NXPH1: variants seen among roughly 807,000 people sequenced by gnomAD.
The protein encoded by NXPH1 is neurexophilin 1.
A neutral mutation model predicts 23.7 loss-of-function variants in NXPH1; 5 were observed. The ratio of observed to expected loss-of-function variants is 0.21; its 90% CI spans 0.11 to 0.44. The LOEUF is 0.44. Among genes scored for constraint, NXPH1 ranks in the 20% least tolerant of loss-of-function variants. NXPH1 has a pLI of 0.99. For synonymous variants in NXPH1, 144 were observed against 122.2 expected (o/e 1.18, Z -1.18); for missense variants, 324 against 321.6 (o/e 1.01, Z -0.06).
intron 2 of NXPH1, among the ~76,000 whole-genome samples, chr7:8,691,047 G>A (rs1562455890): frequency 1.3e-5 from 2 of 152,158 alleles, no homozygotes; most frequent in Non-Finnish European, 2.9e-5. Flanking sequence ...ACTGATTGGG[G>A]TGACATATGG....
chr7:8,507,305 A>T (rs1227947914), intron 2 of NXPH1, among the ~76,000 whole-genome samples: 2 of 151,742 alleles, frequency 1.3e-5, no homozygotes, highest in Non-Finnish European at 2.9e-5. Flanking sequence ...TTTGAAGGTG[A>T]AGGGGTAGAT....
At position 8,625,050 on chromosome 7, in the gene NXPH1, C is replaced by T. The variant is rs555557820; in HGVS notation, c.55-125958C>T. Among the ~76,000 whole-genome samples, 12 of 152,222 alleles carry T rather than the reference C, an allele frequency of 7.9e-5. No homozygotes were observed. In the East Asian group the frequency reaches 9.6e-4, roughly 12 times the overall value. ...AAAATATATATTTAGAGAAGACTGT[C>T]CCAATCCATATTGTAGTGTCATTTT... On this transcript the variant is annotated intron_variant, in intron 2 of 2. Transcript: ENST00000405863.
intron 2 of NXPH1, among the ~76,000 whole-genome samples, chr7:8,631,992 A>G (rs1820139318): frequency 6.6e-6 from 1 of 152,256 alleles, no homozygotes; most frequent in East Asian, 1.9e-4. Context: ...ATTCATGTGT[A>G]GGTTATAGGG....
chr7:8,683,157 G>A (rs1273027659), intron 2 of NXPH1, among the ~76,000 whole-genome samples: 1 of 152,182 alleles, frequency 6.6e-6, no homozygotes. Context: ...GTGGGAGCAG[G>A]TGTGTCACAT....
intron 2 of NXPH1, among the ~76,000 whole-genome samples, chr7:8,567,677 T>A (rs1012245926): frequency 6.6e-6 from 1 of 151,950 alleles, no homozygotes; most frequent in Non-Finnish European, 1.5e-5. Flanking sequence ...GAGTATTCAA[T>A]GCCACCAGAC....
chr7:8,599,338 T>C (rs1583182897), intron 2 of NXPH1, among the ~76,000 whole-genome samples: 1 of 152,120 alleles, frequency 6.6e-6, no homozygotes, highest in Non-Finnish European at 1.5e-5. Flanking sequence ...TCTTAACAAT[T>C]CCCTGCCATG....
intron 2 of NXPH1, among the ~76,000 whole-genome samples, chr7:8,459,471 C>G (rs191884878): frequency 1.3e-5 from 2 of 152,102 alleles, no homozygotes; most frequent in African/African-American, 4.8e-5. Flanking sequence ...GTAGAGAAAA[C>G]AACTTTGAGT....
chr7:8,618,490 A>G lies in NXPH1; in HGVS notation c.55-132518A>G, dbSNP rs568342577. Among the ~76,000 whole-genome samples, 7 of 152,302 alleles carry G rather than the reference A, an allele frequency of 4.6e-5. No homozygotes were observed. The South Asian group carries it at 1.0e-3, about 23-fold the overall frequency. The stretch of plus-strand genomic sequence containing the variant: ...TATTAACTTTGTATATAAGAGCTCA[A>G]AGCACTTTCACATACATTTTTCCTT... On this transcript the variant is annotated intron_variant, in intron 2 of 2. Transcript: ENST00000405863.
rs1391837664 is a variant in NXPH1, at chr7:8,561,370, A to ACACACACACACG, written c.54+125614_54+125615insGCACACACACAC. On this transcript the variant is annotated intron_variant, in intron 2 of 2. Coordinates refer to ENST00000405863, the MANE Select transcript of NXPH1 (RefSeq NM_152745.3). ...CTATGTGACACACACACACACACAC[A>ACACACACACACG]CACACACACACACCTCTCTCTCTCT... Among the ~76,000 whole-genome samples, 68 of 150,410 alleles carry ACACACACACACG rather than the reference A, an allele frequency of 4.5e-4. 2 individuals are homozygous for ACACACACACACG. The highest frequency in any genetic ancestry group is 1.6e-3 in the African/African-American group (65 of 40,572).
chr7:8,621,635 C>T (rs959055383), intron 2 of NXPH1, among the ~76,000 whole-genome samples: 1 of 151,860 alleles, frequency 6.6e-6, no homozygotes, highest in African/African-American at 2.4e-5. Flanking sequence ...TTACAGGCGT[C>T]TGGCACCACG....
intron 2 of NXPH1, among the ~76,000 whole-genome samples, chr7:8,610,433 G>A (rs182266011): frequency 6.6e-6 from 1 of 152,048 alleles, no homozygotes; most frequent in Admixed American, 6.6e-5. Flanking sequence ...TGTTAGAGGA[G>A]CACACATCAC....
intron 2 of NXPH1, among the ~76,000 whole-genome samples, chr7:8,523,424 A>T (rs917308310): frequency 3.9e-5 from 6 of 152,194 alleles, no homozygotes; most frequent in Admixed American, 1.3e-4. Flanking sequence ...TAACTGAAGG[A>T]TTTGATAAAT....
intron 2 of NXPH1, among the ~76,000 whole-genome samples, chr7:8,590,907 G>C (rs1359900808): frequency 6.6e-6 from 1 of 151,914 alleles, no homozygotes; most frequent in Non-Finnish European, 1.5e-5. Flanking sequence ...TAACTCAATG[G>C]CTTTTTAAAA....
chr7:8,459,042 A>G (rs1292710463), intron 2 of NXPH1, among the ~76,000 whole-genome samples: 2 of 152,018 alleles, frequency 1.3e-5, no homozygotes, highest in African/African-American at 4.8e-5. Flanking sequence ...CATTCCCCTT[A>G]CCATAAAGTA....
intron 2 of NXPH1, among the ~76,000 whole-genome samples, chr7:8,737,137 G>T (rs972268006): frequency 6.6e-6 from 1 of 152,090 alleles, no homozygotes; most frequent in Non-Finnish European, 1.5e-5. Context: ...TACATTTAAA[G>T]TTAATATTGT....
In NXPH1 at chr7:8,726,131, C is replaced by A. The variant is rs546095282; in HGVS notation, c.55-24877C>A. ...TGGATAAGCTGTGTTATTATTGCTA[C>A]AAAGTGTGTTTTTATATAAAGTTGT... On this transcript the variant is annotated intron_variant, in intron 2 of 2. Coordinates refer to ENST00000405863, the MANE Select transcript of NXPH1 (RefSeq NM_152745.3). 2.6e-5 allele frequency among the ~76,000 whole-genome samples: 4 copies of A among 152,230 alleles called. No individual in the cohort carries two copies. The South Asian group carries it at 8.3e-4, about 32-fold the overall frequency.
At chr7:8,451,572 T>G (rs1442221012) in intron 2 of NXPH1, among the ~76,000 whole-genome samples, 1 of 152,234 alleles carries the variant, frequency 6.6e-6, no homozygotes, top group Non-Finnish European at 1.5e-5. Context: ...GGATTTTGTT[T>G]GATAGTAAAA....
intron 2 of NXPH1, among the ~76,000 whole-genome samples, chr7:8,453,792 T>C (rs1209815684): frequency 6.6e-6 from 1 of 152,154 alleles, no homozygotes; most frequent in Non-Finnish European, 1.5e-5. Flanking sequence ...ATCTTATATA[T>C]GTACCAAATT....
intron 2 of NXPH1, among the ~76,000 whole-genome samples, chr7:8,556,332 CTG>C (rs1477118170): frequency 6.6e-6 from 1 of 151,690 alleles, no homozygotes; most frequent in Admixed American, 6.6e-5. Flanking sequence ...CTCAACTCTG[CTG>C]TGTGTGATGT....
Sources: gnomAD v4.1 joint callset for allele counts (sites outside exome capture counted in the v4.1 genomes callset) on GRCh38, gnomAD v4.1.1 for gene constraint, MANE v1.5 for transcripts, NCBI Gene and HGNC (gene_info 2026-07-23, HGNC 2026-07-21) for gene names.